Variants in PPP2R2C observed in about 807,000 individuals in gnomAD.
The protein encoded by PPP2R2C is protein phosphatase 2 regulatory subunit Bgamma.
A neutral mutation model predicts 45.3 loss-of-function variants in PPP2R2C; 10 were observed. That is an observed-to-expected ratio of 0.22 (90% CI 0.14 to 0.37). The LOEUF (loss-of-function observed/expected upper bound fraction) is 0.37, where lower values mean the gene tolerates loss of function less well. PPP2R2C is among the 10% of genes least tolerant of loss of function. The pLI, the probability that PPP2R2C is intolerant of heterozygous loss-of-function variation, is 1.00. For synonymous variants in PPP2R2C, 257 were observed against 245.4 expected, an observed-to-expected ratio of 1.05 and a Z score of -0.44; for missense variants, 308 against 619.7, an observed-to-expected ratio of 0.50 and a Z score of 5.34.
At chr4:6,424,847 A>G (rs1719197006) in intron 1 of PPP2R2C, among the ~76,000 whole-genome samples, 1 of 152,158 alleles carries the variant, frequency 6.6e-6, no homozygotes, top group African/African-American at 2.4e-5. Context: ...GGTGAGAGTG[A>G]GCCAAGGCTA....
At chr4:6,360,199 C>T (rs374716290) in intron 5 of PPP2R2C, among the ~76,000 whole-genome samples, 14 of 152,340 alleles carry the variant, frequency 9.2e-5, no homozygotes, top group African/African-American at 3.4e-4. Context: ...TGCCCAGGGC[C>T]ACATGCAGAG....
chr4:6,380,988 G>T lies in PPP2R2C; in HGVS notation c.168+9C>A, dbSNP rs1271675408. ...CCTCCCACCTCCCACCAGACCCAGG[G>T]CTTCGCACCTCTGGTTCCCGCTGGA... On this transcript the variant is annotated intron_variant, in intron 2 of 8. Coordinates refer to ENST00000382599, the MANE Select transcript of PPP2R2C (RefSeq NM_020416.4). 1.3e-6 allele frequency: 2 copies of T among 1,518,404 alleles called. No individual in the cohort carries two copies. The highest frequency in any genetic ancestry group is 2.0e-5 in the Admixed American group (1 of 50,608). 94.1% of individuals were successfully genotyped at this position (1,518,404 alleles called of 1,614,324 possible).
intron 1 of PPP2R2C, among the ~76,000 whole-genome samples, chr4:6,469,077 CAAAAAAAAAAAA>C (rs142008829): frequency 8.9e-5 from 5 of 56,154 alleles, no homozygotes; most frequent in South Asian, 8.2e-4. Flanking sequence ...GCCCTGCCAC[CAAAAAAAAAAAA>C]AAAAAAAAAA....
At chr4:6,359,199 C>A (rs1028313147) in intron 5 of PPP2R2C, among the ~76,000 whole-genome samples, 2 of 152,152 alleles carry the variant, frequency 1.3e-5, no homozygotes, top group Non-Finnish European at 2.9e-5. Context: ...TTTGTAGGGA[C>A]ATGGATGAAG....
intron 6 of PPP2R2C, among the ~76,000 whole-genome samples, chr4:6,336,151 A>C (rs1249660867): frequency 1.3e-5 from 2 of 152,072 alleles, no homozygotes; most frequent in African/African-American, 4.8e-5. Flanking sequence ...GCAGGTGTTT[A>C]ACGAAACTCA....
chr4:6,334,686 G>C (rs770146056), intron 6 of PPP2R2C, among the ~76,000 whole-genome samples: 59 of 152,164 alleles, frequency 3.9e-4, no homozygotes, highest in African/African-American at 1.3e-3. Flanking sequence ...AAGAGAACAG[G>C]GTGGTGGAGT....
chr4:6,348,079 C>G, intron 5 of PPP2R2C, 69 bp from the exon 6 acceptor site: 1 of 1,565,124 alleles, frequency 6.4e-7, no homozygotes, highest in Non-Finnish European at 8.7e-7. Flanking sequence ...CCGGAGGTTT[C>G]TGACACCTCT....
At chr4:6,452,461 G>A (rs1310072375) in intron 1 of PPP2R2C, among the ~76,000 whole-genome samples, 1 of 152,190 alleles carries the variant, frequency 6.6e-6, no homozygotes, top group Non-Finnish European at 1.5e-5. Context: ...TCCCTCAGCA[G>A]TCGCCCTTTC....
At chr4:6,384,913 A>C in intron 1 of PPP2R2C, 1 of 922,446 alleles carries the variant, frequency 1.1e-6, no homozygotes, top group South Asian at 5.0e-5. Flanking sequence ...GGTCTTGGGT[A>C]AGCCACACAA....
At chr4:6,557,371 C>T (rs1725436880) in intron 1 of PPP2R2C, among the ~76,000 whole-genome samples, 1 of 150,544 alleles carries the variant, frequency 6.6e-6, no homozygotes, top group African/African-American at 2.4e-5. Context: ...ATGCTGGGTG[C>T]AAGGTCAGCA....
At chr4:6,370,592 T>C (rs1285957621) in intron 5 of PPP2R2C, among the ~76,000 whole-genome samples, 45 of 152,124 alleles carry the variant, frequency 3.0e-4, no homozygotes, top group Non-Finnish European at 8.8e-5. Context: ...AGAGAACTGG[T>C]CTCGTTTCTC....
chr4:6,374,541 G>A (rs1047244960), intron 4 of PPP2R2C, among the ~76,000 whole-genome samples: 9 of 152,206 alleles, frequency 5.9e-5, no homozygotes, highest in African/African-American at 2.2e-4. Context: ...TTGTCATCTG[G>A]CCTGCGCAGA....
upstream of PPP2R2C, among the ~76,000 whole-genome samples, chr4:6,476,927 T>C (rs555347168): frequency 7.6e-4 from 116 of 152,358 alleles, no homozygotes; most frequent in African/African-American, 2.5e-3. Context: ...AGGCTAATTA[T>C]GAACAACAAT....
intron 6 of PPP2R2C, among the ~76,000 whole-genome samples, chr4:6,335,269 A>G (rs1050384909): frequency 2.6e-5 from 4 of 152,202 alleles, no homozygotes; most frequent in Admixed American, 6.5e-5. Context: ...AGGAAGAGCC[A>G]GCAGGCAGAT....
chr4:6,540,707 C>G (rs961876392), intron 1 of PPP2R2C, among the ~76,000 whole-genome samples: 3 of 152,194 alleles, frequency 2.0e-5, no homozygotes, highest in African/African-American at 7.2e-5. Flanking sequence ...CATAAGGGCT[C>G]CACACATGTG....
At chr4:6,458,646 T>C (rs1376797633) in intron 1 of PPP2R2C, among the ~76,000 whole-genome samples, 1 of 152,200 alleles carries the variant, frequency 6.6e-6, no homozygotes, top group Non-Finnish European at 1.5e-5. Flanking sequence ...TGCTTTGCTG[T>C]CTGTGCATGA....
chr4:6,400,430 T>C (rs1408667146), intron 1 of PPP2R2C, among the ~76,000 whole-genome samples: 1 of 152,226 alleles, frequency 6.6e-6, no homozygotes, highest in Non-Finnish European at 1.5e-5. Flanking sequence ...TCTTTTTAAC[T>C]GTCTGAGTTT....
intron 1 of PPP2R2C, among the ~76,000 whole-genome samples, chr4:6,540,763 C>T (rs911331768): frequency 6.6e-6 from 1 of 152,238 alleles, no homozygotes; most frequent in African/African-American, 2.4e-5. Context: ...TTTCCTTGTG[C>T]ATCAGGGAGA....
At chr4:6,492,598 A>G (rs916265512) in intron 2 of PPP2R2C, among the ~76,000 whole-genome samples, 1 of 152,198 alleles carries the variant, frequency 6.6e-6, no homozygotes, top group Non-Finnish European at 1.5e-5. Flanking sequence ...TTTAGAGATC[A>G]GTTCTGGAGC....
Sources: allele counts gnomAD v4.1 joint callset (sites outside exome capture counted in the v4.1 genomes callset), GRCh38; gene constraint gnomAD v4.1.1; transcripts MANE v1.5; gene names NCBI Gene and HGNC (gene_info 2026-07-23, HGNC 2026-07-21).